ZNF765: variants seen among roughly 807,000 people sequenced by gnomAD.
The protein encoded by ZNF765 is zinc finger protein 765.
ZNF765 carries 37 observed loss-of-function variants against 44.7 expected under a neutral mutation model. The observed-to-expected ratio is 0.83, with a 90% CI of 0.64 to 1.09. The LOEUF (loss-of-function observed/expected upper bound fraction) is 1.09, where lower values mean the gene tolerates loss of function less well. Among genes scored for constraint, ZNF765 ranks in the 50% least tolerant of loss-of-function variants. ZNF765 has a pLI of 0.00. For synonymous variants in ZNF765, 201 were observed against 213.7 expected (o/e 0.94, Z 0.52); for missense variants, 594 against 626.1 (o/e 0.95, Z 0.55).
chr19:53,402,024 T>C, intron 2 of ZNF765, 41 bp from the exon 3 acceptor site: 1 of 1,613,948 alleles, frequency 6.2e-7, no homozygotes. Context: ...AGATAAGAAC[T>C]CCTCCCATAA....
Position 53,410,657 on chromosome 19 carries a change from A to C in ZNF765, c.*1530A>C. The stretch of plus-strand genomic sequence containing the variant: ...ATTGCGAATCATTGGAGAATCCATA[A>C]TGAAGAGAGATCATACTAGTTTAAT... On this transcript the variant is annotated 3_prime_UTR_variant, in exon 4 of 4. Transcript: ENST00000396408. 1 of 480,970 alleles carries C rather than the reference A, an allele frequency of 2.1e-6. No homozygotes were observed. 29.8% of individuals were successfully genotyped at this position (480,970 alleles called of 1,614,324 possible).
Position 53,418,910 on chromosome 19 carries a change from G to GAAAAAA in ZNF765, c.143-4136_143-4131dup, listed in dbSNP as rs34443506. On this transcript the variant is annotated intron_variant, in intron 3 of 3. Coordinates refer to the ZNF765 transcript ENST00000594030. ...TAAGAGCGAAACTCCGTTGTGGGAG[G>GAAAAAA]AAAAAAAAAAAAAAAAAAAAAGTCC... is the stretch of plus-strand genomic sequence containing the variant. Among the ~76,000 whole-genome samples, 8 of 96,854 alleles carry GAAAAAA rather than the reference G, an allele frequency of 8.3e-5. 1 individual carries two copies. The highest frequency in any genetic ancestry group is 2.8e-4 in the Admixed American group (2 of 7,260). 63.5% of individuals were successfully genotyped at this position (96,854 alleles called of 152,430 possible).
At chr19:53,397,061 G>A (rs2085678277) in intron 1 of ZNF765, among the ~76,000 whole-genome samples, 1 of 152,258 alleles carries the variant, frequency 6.6e-6, no homozygotes, top group South Asian at 2.1e-4. Context: ...TCGACTGAAG[G>A]AGGAAAACCA....
At chr19:53,398,160 T>A in intron 2 of ZNF765, 130 bp downstream of exon 2, 2 of 1,522,990 alleles carry the variant, frequency 1.3e-6, no homozygotes, top group Non-Finnish European at 1.8e-6. Context: ...CATGCCTTCC[T>A]TCATTCCCTC....
downstream of ZNF765, among the ~76,000 whole-genome samples, chr19:53,416,064 C>T (rs997774903): frequency 6.6e-6 from 1 of 152,062 alleles, no homozygotes; most frequent in Non-Finnish European, 1.5e-5. Context: ...AAGTGATTCT[C>T]CTGCCTCAGC....
At chr19:53,421,416 T>C (rs1042201803) in intron 3 of ZNF765, among the ~76,000 whole-genome samples, 15 of 152,340 alleles carry the variant, frequency 9.8e-5, no homozygotes, top group African/African-American at 3.6e-4. Context: ...CTCTGTCTCT[T>C]ATTTCTTTTC....
Position 53,407,858 on chromosome 19 carries a change from G to T in ZNF765, c.303G>T (p.Trp101Cys), listed in dbSNP as rs539898377. The T allele has an allele frequency of 3.3e-5, 54 of 1,613,608 alleles. No individual in the cohort carries two copies. The highest frequency in any genetic ancestry group is 4.6e-5 in the Non-Finnish European group (54 of 1,179,904). Reference sequence around the variant, plus strand: ...ATATTCATGACATTGAGTTTCAGTGGCAAGAAGATGAAAGAAATGGCCATG... The same window carrying T: ...ATATTCATGACATTGAGTTTCAGTGTCAAGAAGATGAAAGAAATGGCCATG... ...DKDIHDIEFQ[W>C]QEDERNGHEA... Residue 101 changes from tryptophan to cysteine, a missense_variant, in exon 4 of 4, where the codon TGG (tryptophan) becomes TGT (cysteine). By Grantham distance (215) the Trp-to-Cys change is radical. Transcript: ENST00000396408.
Position 53,408,245 on chromosome 19 carries a change from A to C in ZNF765, c.690A>C (p.Leu230Phe). ...AAGCCTATAATTGTAGCTCACTCTTAAGGAAACATCAGTTAATCCATTTAG... is the reference window on the plus strand; with the variant it reads ...AAGCCTATAATTGTAGCTCACTCTTCAGGAAACATCAGTTAATCCATTTAG... ...SGKAYNCSSL[L>F]RKHQLIHLGE... The change falls in exon 4 of 4, where the codon TTA (leucine) becomes TTC (phenylalanine). Residue 230 changes from leucine (L) to phenylalanine (F), a missense_variant. This residue lies in a region of ZNF765 where 567 missense variants were observed against 572.6 expected (regional missense o/e 0.99). Coordinates refer to ENST00000396408, the MANE Select transcript of ZNF765 (RefSeq NM_001040185.3). The C allele has an allele frequency of 6.2e-7, 1 of 1,614,262 alleles. No homozygotes were observed. Among genetic ancestry groups the C allele is most frequent in the Non-Finnish European group, 8.5e-7 (1 of 1,180,052 alleles).
chr19:53,426,479 C>G (rs986410915), exon 4 of ZNF765: 1 of 152,012 alleles, frequency 6.6e-6, no homozygotes, highest in African/African-American at 2.4e-5. Flanking sequence ...GTTTTTGTTT[C>G]TTTTCCAAAG....
rs1315952929 is a variant in ZNF765 at position 53,408,350 on chromosome 19, C to G, written c.795C>G (p.His265Gln). Reference protein sequence around the residue: ...KRYVARHRRCHTGEKPYKCNE... With the variant: ...KRYVARHRRCQTGEKPYKCNE... ...ACGTTGCACGCCATCGTAGATGTCACACTGGTGAGAAACCTTACAAGTGTA... is the reference window on the plus strand; with the variant it reads ...ACGTTGCACGCCATCGTAGATGTCAGACTGGTGAGAAACCTTACAAGTGTA... The change falls in exon 4 of 4, where the codon CAC (histidine) becomes CAG (glutamine). Residue 265 changes from histidine (H) to glutamine (Q), a missense_variant. By Grantham distance (24) the His-to-Gln change is conservative (BLOSUM62 0). Around this residue, in one of 2 missense-constraint regions of ZNF765, gnomAD observed 567 missense variants for 572.6 expected, o/e 0.99. Coordinates refer to ENST00000396408, the MANE Select transcript of ZNF765 (RefSeq NM_001040185.3). The G allele has an allele frequency of 5.6e-6, 9 of 1,614,072 alleles. No individual in the cohort carries two copies. Among genetic ancestry groups the G allele is most frequent in the African/African-American group, 1.3e-5 (1 of 74,938 alleles).
At chr19:53,414,249 A>AAAAAAAAC (rs1190983723), downstream of ZNF765, among the ~76,000 whole-genome samples, 23 of 150,156 alleles carry the variant, frequency 1.5e-4, 4 homozygotes, top group African/African-American at 5.6e-4. Context: ...TCAAAAAAAA[A>AAAAAAAAC]AAAAAGAAAC....
chr19:53,421,926 A>G (rs2085910075), intron 3 of ZNF765, among the ~76,000 whole-genome samples: 2 of 152,178 alleles, frequency 1.3e-5, no homozygotes, highest in Admixed American at 6.6e-5. Flanking sequence ...GTGCCATCGT[A>G]CTTTCCTTCC....
chr19:53,395,569 A>G (rs2085659063), intron 1 of ZNF765, among the ~76,000 whole-genome samples: 1 of 152,160 alleles, frequency 6.6e-6, no homozygotes, highest in South Asian at 2.1e-4. Flanking sequence ...CGGCGGCCCC[A>G]GCCCCAAGGA....
intron 2 of ZNF765, among the ~76,000 whole-genome samples, chr19:53,400,825 A>T (rs746461690): frequency 6.9e-6 from 1 of 145,238 alleles, no homozygotes; most frequent in Non-Finnish European, 1.5e-5. Context: ...TGAGTAATCT[A>T]GTTTTCATAT....
At chr19:53,403,716 G>A (rs2085749812) in intron 3 of ZNF765, among the ~76,000 whole-genome samples, 1 of 152,072 alleles carries the variant, frequency 6.6e-6, no homozygotes, top group Non-Finnish European at 1.5e-5. Context: ...TGTGGTGGGC[G>A]CCTGTAATCC....
intron 1 of ZNF765, 110 bp from the exon 2 acceptor site, chr19:53,397,833 C>T: frequency 2.7e-6 from 3 of 1,129,190 alleles, no homozygotes; most frequent in Non-Finnish European, 3.7e-6. Context: ...TGGTCGGCAG[C>T]ATAGGGGACC....
intron 1 of ZNF765, among the ~76,000 whole-genome samples, 200 bp from the exon 2 acceptor site, chr19:53,397,743 T>C (rs1388943871): frequency 2.0e-5 from 3 of 151,746 alleles, no homozygotes; most frequent in Non-Finnish European, 4.4e-5. Flanking sequence ...CCACCCCAGC[T>C]CCCCACTGCT....
chr19:53,404,088 T>G (rs897768291), intron 3 of ZNF765, among the ~76,000 whole-genome samples: 3 of 152,262 alleles, frequency 2.0e-5, no homozygotes, highest in African/African-American at 7.2e-5. Context: ...TTTATTTCTT[T>G]GTTGATGAGA....
At chr19:53,404,840 C>T (rs2085759954) in intron 3 of ZNF765, among the ~76,000 whole-genome samples, 1 of 152,182 alleles carries the variant, frequency 6.6e-6, no homozygotes, top group African/African-American at 2.4e-5. Context: ...TCTAAACTTC[C>T]TTTGTTTAAT....
Sources: gnomAD v4.1 joint callset for allele counts (sites outside exome capture counted in the v4.1 genomes callset) on GRCh38, gnomAD v4.1.1 for gene constraint, gnomAD v4.1.1 regional missense constraint, MANE v1.5 for transcripts, NCBI Gene and HGNC (gene_info 2026-07-23, HGNC 2026-07-21) for gene names.